Variants in PTPN2 observed in about 807,000 individuals in gnomAD.
PTPN2 encodes the protein tyrosine-protein phosphatase non-receptor type 2.
A neutral mutation model predicts 57.3 loss-of-function variants in PTPN2; 19 were observed. That is an observed-to-expected ratio of 0.33 (90% CI 0.23 to 0.49). The LOEUF is 0.49. Ranked by LOEUF, PTPN2 falls within the 20% of genes least tolerant of loss-of-function variation. The pLI is 0.99. For synonymous variants in PTPN2, 153 were observed against 164.9 expected (o/e 0.93, Z 0.55); for missense variants, 358 against 501.1 (o/e 0.71, Z 2.73).
rs2041047618 is a variant in PTPN2, at chr18:12,793,534, T to G, written c.*744A>C. 2 of 980,614 alleles carry G rather than the reference T, an allele frequency of 2.0e-6. No homozygotes were observed. The highest frequency in any genetic ancestry group is 1.2e-6 in the Non-Finnish European group (1 of 825,134). 60.7% of individuals were successfully genotyped at this position (980,614 alleles called of 1,614,324 possible). On this transcript the variant is annotated 3_prime_UTR_variant, in exon 9 of 9. Coordinates refer to ENST00000309660, the MANE Select transcript of PTPN2 (RefSeq NM_002828.4). ...CTTCAAAGATATTTTTAGGAAAAAC[T>G]TTTGTTTCTTTGTTTGCTTTTCTTT... is the stretch of plus-strand genomic sequence containing the variant.
intron 3 of PTPN2, among the ~76,000 whole-genome samples, chr18:12,836,272 C>A (rs1200588427): frequency 6.6e-6 from 1 of 152,214 alleles, no homozygotes; most frequent in Non-Finnish European, 1.5e-5. Context: ...TCAGAGGCAA[C>A]TGGGCAGAAG....
At chr18:12,801,312 A>C (rs1349523429) in intron 8 of PTPN2, among the ~76,000 whole-genome samples, 3 of 152,214 alleles carry the variant, frequency 2.0e-5, no homozygotes, top group East Asian at 3.9e-4. Context: ...CAGGAGTTCA[A>C]GACCAGCCTT....
At chr18:12,881,873 A>C (rs1206759909) in intron 1 of PTPN2, among the ~76,000 whole-genome samples, 3 of 152,228 alleles carry the variant, frequency 2.0e-5, no homozygotes, top group Non-Finnish European at 4.4e-5. Context: ...CTGCATCCTT[A>C]AAAACTGGGA....
chr18:12,838,239 C>T (rs1404444682), intron 2 of PTPN2, among the ~76,000 whole-genome samples: 1 of 152,186 alleles, frequency 6.6e-6, no homozygotes, highest in East Asian at 1.9e-4. Flanking sequence ...AAAGGCTACT[C>T]ATATCTATTG....
intron 2 of PTPN2, chr18:12,841,065 G>A: frequency 1.7e-6 from 2 of 1,188,656 alleles, no homozygotes; most frequent in Non-Finnish European, 2.2e-6. Context: ...AAGGAAAAAA[G>A]AAATTATATT....
chr18:12,869,282 T>TC (rs1231353208), intron 1 of PTPN2, among the ~76,000 whole-genome samples: 1 of 152,088 alleles, frequency 6.6e-6, no homozygotes, highest in Non-Finnish European at 1.5e-5. Flanking sequence ...GCTCAAGTGA[T>TC]CCCCCCACCT....
At chr18:12,881,193 G>C (rs967457722) in intron 1 of PTPN2, among the ~76,000 whole-genome samples, 2 of 152,186 alleles carry the variant, frequency 1.3e-5, no homozygotes, top group Non-Finnish European at 2.9e-5. Flanking sequence ...CCAGCACTTT[G>C]AGAGGCCGAG....
chr18:12,800,153 CTA>C (rs1288020848), intron 8 of PTPN2, among the ~76,000 whole-genome samples: 1 of 152,146 alleles, frequency 6.6e-6, no homozygotes, highest in East Asian at 1.9e-4. Context: ...TGCAATCACT[CTA>C]TAACTCCTTA....
chr18:12,816,164 G>A (rs1475148332), intron 6 of PTPN2, among the ~76,000 whole-genome samples: 1 of 152,152 alleles, frequency 6.6e-6, no homozygotes, highest in Non-Finnish European at 1.5e-5. Flanking sequence ...GCAAAAACTA[G>A]TTGGGTGTGG....
chr18:12,827,395 ATT>A (rs74221641), intron 4 of PTPN2, among the ~76,000 whole-genome samples: 15,436 of 144,598 alleles, frequency 0.11, 1,013 homozygotes, highest in Non-Finnish European at 0.16. Context: ...AAAATAAATA[ATT>A]TTTTTTTTTT....
rs73404468 is a variant in PTPN2, at chr18:12,844,951, T to C, written c.161-8060A>G. 7.0e-3 allele frequency among the ~76,000 whole-genome samples: 1,061 copies of C among 152,280 alleles called. 19 individuals carry two copies. Among genetic ancestry groups the C allele is most frequent in the African/African-American group, 0.025 (1,032 of 41,556 alleles). On this transcript the variant is annotated intron_variant, in intron 2 of 8. Transcript: ENST00000309660. Reference sequence around the variant, plus strand: ...CATTTTAAATTGCTTTGCACCTTTGTCAAAAAATCAGTTCACCATATTTTT... The same window carrying C: ...CATTTTAAATTGCTTTGCACCTTTGCCAAAAAATCAGTTCACCATATTTTT...
chr18:12,871,994 G>A (rs1446403989), intron 1 of PTPN2, among the ~76,000 whole-genome samples: 1 of 151,826 alleles, frequency 6.6e-6, no homozygotes, highest in South Asian at 2.1e-4. Flanking sequence ...GTTGCAGTAA[G>A]CCGAGATCGT....
intron 2 of PTPN2, among the ~76,000 whole-genome samples, chr18:12,838,473 T>A (rs2042942889): frequency 6.6e-6 from 1 of 152,212 alleles, no homozygotes; most frequent in Non-Finnish European, 1.5e-5. Context: ...TCCTTCTATC[T>A]GTAAAATATG....
At chr18:12,819,813 C>CG (rs929559632) in intron 5 of PTPN2, among the ~76,000 whole-genome samples, 22 of 73,268 alleles carry the variant, frequency 3.0e-4, no homozygotes, top group African/African-American at 2.4e-3. Flanking sequence ...TTCTTGACAG[C>CG]GGGGGGTGGG....
At chr18:12,845,615 T>A (rs1051626765) in intron 2 of PTPN2, among the ~76,000 whole-genome samples, 1 of 152,230 alleles carries the variant, frequency 6.6e-6, no homozygotes. Flanking sequence ...CTACATGTCA[T>A]CTGCTAATAA....
intron 4 of PTPN2, among the ~76,000 whole-genome samples, chr18:12,830,131 C>T (rs1279820927): frequency 1.1e-4 from 17 of 149,962 alleles, no homozygotes; most frequent in Non-Finnish European, 1.5e-5. Flanking sequence ...GAGATGGAGT[C>T]TCACTCTACC....
In PTPN2 at chr18:12,811,076, C is replaced by A. The variant is rs140721192; in HGVS notation, c.858+3127G>T. ...TGCTAGCTCTTAATCCTCACAATAA[C>A]CTTAGGAGATAAGCACTAATACTAA... is the stretch of plus-strand genomic sequence containing the variant. On this transcript the variant is annotated intron_variant, in intron 7 of 8. Transcript: ENST00000309660. Among the ~76,000 whole-genome samples, 148 of 152,302 alleles carry A rather than the reference C, an allele frequency of 9.7e-4. 1 individual carries two copies. Among genetic ancestry groups the A allele is most frequent in the South Asian group, 6.2e-3 (30 of 4,828 alleles).
chr18:12,853,268 G>A (rs1006763501), intron 2 of PTPN2, among the ~76,000 whole-genome samples: 1 of 152,120 alleles, frequency 6.6e-6, no homozygotes, highest in Non-Finnish European at 1.5e-5. Context: ...TCCTGCCCCA[G>A]CCTCCCAAAT....
chr18:12,817,011 A>G, intron 6 of PTPN2, 145 bp downstream of exon 6: 2 of 727,234 alleles, frequency 2.8e-6, no homozygotes, highest in South Asian at 2.0e-5. Flanking sequence ...GGTGGAAATG[A>G]GATTTTTAGG....
Sources: gnomAD v4.1 joint callset for allele counts (sites outside exome capture counted in the v4.1 genomes callset) on GRCh38, gnomAD v4.1.1 for gene constraint, MANE v1.5 for transcripts, NCBI Gene and HGNC (gene_info 2026-07-23, HGNC 2026-07-21) for gene names.